The following KRT81 variants were observed in gnomAD, a reference collection of about 807,000 sequenced individuals.
KRT81 encodes the protein keratin 81, also known as keratin, type II cuticular Hb1.
KRT81 carries 35 observed loss-of-function variants against 35.8 expected under a neutral mutation model. The ratio of observed to expected loss-of-function variants is 0.98; its 90% CI spans 0.75 to 1.30. KRT81 has a LOEUF of 1.30. KRT81 is among the 50% of genes most tolerant of loss of function. The probability of loss-of-function intolerance (pLI) is 0.00; values close to 1 mark genes in which losing one functional copy is unlikely to be tolerated. For missense variants in KRT81, 531 were observed against 577.4 expected, an observed-to-expected ratio of 0.92 and a Z score of 0.82; for synonymous variants, 249 against 251.2, an observed-to-expected ratio of 0.99 and a Z score of 0.08.
Position 52,287,689 on chromosome 12 carries a change from G to A in KRT81, c.933C>T (p.His311=), listed in dbSNP as rs143596068. The change falls in exon 6 of 9, where the codon CAC becomes CAT. Residue 311 remains histidine, a synonymous_variant. Transcript: ENST00000327741. ...CCTTGGTGCGGCGCAGGGTCTCCCC[G>A]TGCCTGATCACCGTGGCCTTCATCT... ...CEEMKATVIR[H]GETLRRTKEE... The A allele has an allele frequency of 1.2e-4, 191 of 1,613,916 alleles. No individual in the cohort carries two copies. In the African/African-American group the frequency reaches 1.6e-3, roughly 14 times the overall value.
intron 8 of KRT81, 123 bp from the exon 9 acceptor site, chr12:52,286,616 C>T (rs1937947593): frequency 9.1e-6 from 11 of 1,208,210 alleles, no homozygotes; most frequent in Non-Finnish European, 1.3e-5. Context: ...GTGGACAATT[C>T]TAGGTCCATC....
intron 5 of KRT81, 94 bp downstream of exon 5, chr12:52,287,890 G>C: frequency 6.2e-7 from 1 of 1,608,514 alleles, no homozygotes; most frequent in Non-Finnish European, 8.5e-7. Flanking sequence ...TCATCCCTAG[G>C]GACCAGCATC....
rs1938021399 is a variant in KRT81 at position 52,288,165 on chromosome 12, C to T, written c.736-17G>A. 6.2e-7 allele frequency: 1 copy of T among 1,613,998 alleles called. No individual in the cohort carries two copies. The highest frequency in any genetic ancestry group is 1.1e-5 in the South Asian group (1 of 91,078). The stretch of plus-strand genomic sequence containing the variant: ...GAGGATCTCCTGCAGGAGGTGAGGG[C>T]AGTGACTTTAGTTGAGAATACAGCC... On this transcript the variant is annotated splice_polypyrimidine_tract_variant and intron_variant, in intron 4 of 8. Transcript: ENST00000327741.
intron 4 of KRT81, 27 bp from the exon 5 acceptor site, chr12:52,288,175 A>C (rs1372939992): frequency 6.2e-7 from 1 of 1,612,534 alleles, no homozygotes; most frequent in Non-Finnish European, 8.5e-7. Flanking sequence ...CAGTGACTTT[A>C]GTTGAGAATA....
In KRT81 at chr12:52,286,339, G is replaced by A. The variant is rs757257708; in HGVS notation, c.1434C>T (p.Cys478=). ...AGCCCACGCCGCAGGAACCCCCTCC[G>A]CAGGTGGTGTTCAATTGGCCGCAGG... ...CAPCGQLNTT[C]GGGSCGVGSC... is the part of the protein sequence containing the mutation. Residue 478 remains cysteine, a synonymous_variant, in exon 9 of 9, where the codon TGC becomes TGT. Transcript: ENST00000327741. 7 of 1,555,024 alleles carry A rather than the reference G, an allele frequency of 4.5e-6. No individual in the cohort carries two copies. The highest frequency in any genetic ancestry group is 1.9e-5 in the Admixed American group (1 of 51,364).
chr12:52,286,892 T>C (rs1937960463), intron 7 of KRT81, 70 bp from the exon 8 acceptor site: 1 of 1,580,974 alleles, frequency 6.3e-7, no homozygotes, highest in Admixed American at 1.7e-5. Flanking sequence ...CCCCAGTTCA[T>C]AGGGTAGGGT....
Position 52,286,458 on chromosome 12 carries a change from C to T in KRT81, c.1315G>A (p.Asp439Asn). The change falls in exon 9 of 9, where the codon GAC (aspartate) becomes AAC (asparagine). Residue 439 changes from aspartate to asparagine, a missense_variant. Around this residue, in one of 5 missense-constraint regions of KRT81, gnomAD observed 150 missense variants for 145.4 expected, o/e 1.03. Coordinates refer to ENST00000327741, the MANE Select transcript of KRT81 (RefSeq NM_002281.4). ...SSSRGGVVCG[D>N]LCVSGSRPVT... ...GGCCGGGAGCCTGACACGCAGAGGTCCCCGCACACGACCCCGCCCCGGGAG... is the reference window on the plus strand; with the variant it reads ...GGCCGGGAGCCTGACACGCAGAGGTTCCCGCACACGACCCCGCCCCGGGAG... 6.4e-7 allele frequency: 1 copy of T among 1,552,732 alleles called. No homozygotes were observed. The highest frequency in any genetic ancestry group is 8.7e-7 in the Non-Finnish European group (1 of 1,147,898).
intron 7 of KRT81, 63 bp downstream of exon 7, chr12:52,287,039 C>G: frequency 6.2e-7 from 1 of 1,611,972 alleles, no homozygotes; most frequent in Non-Finnish European, 8.5e-7. Context: ...CAGCCAAGGC[C>G]AAGGGTAGGC....
At chr12:52,286,915 A>G in intron 7 of KRT81, 93 bp from the exon 8 acceptor site, 1 of 1,543,982 alleles carries the variant, frequency 6.5e-7, no homozygotes, top group Non-Finnish European at 8.9e-7. Flanking sequence ...ACAACTGGTC[A>G]ATTAAGAACA....
chr12:52,287,316 T>A lies in KRT81; in HGVS notation c.1033A>T (p.Lys345Ter). 6.2e-7 allele frequency: 1 copy of A among 1,614,094 alleles called. No homozygotes were observed. The highest frequency in any genetic ancestry group is 2.2e-5 in the East Asian group (1 of 44,878). The change falls in exon 7 of 9, where the codon AAG becomes TAG. Residue 345 changes from lysine to a stop codon, truncating the protein, a stop_gained. Transcript: ENST00000327741. LOFTEE classifies it high-confidence loss of function. ...EVENAKCQNS[K>*]LEAAVAQSEQ... Reference sequence around the variant, plus strand: ...GACTGGGCCACCGCGGCCTCCAGCTTGGAGTTCTGAAGAGAACAGAAAGAA... The same window carrying A: ...GACTGGGCCACCGCGGCCTCCAGCTAGGAGTTCTGAAGAGAACAGAAAGAA...
intron 7 of KRT81, 33 bp from the exon 8 acceptor site, chr12:52,286,855 G>A (rs777990155): frequency 1.2e-6 from 2 of 1,612,346 alleles, no homozygotes; most frequent in East Asian, 2.2e-5. Context: ...CAACATTAGT[G>A]ACTGCCCCAG....
At position 52,287,968 on chromosome 12, in the gene KRT81, G is replaced by A. The variant is rs571446795; in HGVS notation, c.900+16C>T. On this transcript the variant is annotated intron_variant, in intron 5 of 8. Coordinates refer to ENST00000327741, the MANE Select transcript of KRT81 (RefSeq NM_002281.4). ...CCACTGACACGTCTAGCAGGCAGGT[G>A]TCCTGTGCCACTCACCTTGCTGCGG... 3.1e-6 allele frequency: 5 copies of A among 1,614,190 alleles called. No individual in the cohort carries two copies. The highest frequency in any genetic ancestry group is 2.2e-5 in the East Asian group (1 of 44,884).
Position 52,286,456 on chromosome 12 carries a change from G to T in KRT81, c.1317C>A (p.Asp439Glu). The change falls in exon 9 of 9, where the codon GAC becomes GAA. Residue 439 changes from aspartate to glutamate, a missense_variant. Transcript: ENST00000327741. ...CTGGCCGGGAGCCTGACACGCAGAGGTCCCCGCACACGACCCCGCCCCGGG... is the reference window on the plus strand; with the variant it reads ...CTGGCCGGGAGCCTGACACGCAGAGTTCCCCGCACACGACCCCGCCCCGGG... ...SSSRGGVVCG[D>E]LCVSGSRPVT... is the part of the protein sequence containing the mutation. 8 of 1,552,762 alleles carry T rather than the reference G, an allele frequency of 5.2e-6. No homozygotes were observed. Among genetic ancestry groups the T allele is most frequent in the Non-Finnish European group, 7.0e-6 (8 of 1,147,932 alleles).
intron 4 of KRT81, 29 bp from the exon 5 acceptor site, chr12:52,288,177 T>A (rs758450794): frequency 2.5e-6 from 4 of 1,612,344 alleles, no homozygotes; most frequent in Admixed American, 1.7e-5. Context: ...GTGACTTTAG[T>A]TGAGAATACA....
At position 52,285,992 on chromosome 12, in the gene KRT81, A is replaced by C; in HGVS notation, c.*263T>G. ...GGCAGGAAGGCAGTTGCCGTGGGCAAGGTTCTGGTCCTGGCCCTTCCTGCT... is the reference window on the plus strand; with the variant it reads ...GGCAGGAAGGCAGTTGCCGTGGGCACGGTTCTGGTCCTGGCCCTTCCTGCT... On this transcript the variant is annotated 3_prime_UTR_variant, in exon 9 of 9. Coordinates refer to ENST00000327741, the MANE Select transcript of KRT81 (RefSeq NM_002281.4). The C allele has an allele frequency of 1.9e-6, 1 of 530,238 alleles. No homozygotes were observed. Among genetic ancestry groups the C allele is most frequent in the Non-Finnish European group, 3.4e-6 (1 of 293,898 alleles). 32.8% of individuals were successfully genotyped at this position (530,238 alleles called of 1,614,324 possible). A position where few individuals can be genotyped will look rare whatever the true frequency, so the allele number is the denominator to read the frequency against.
chr12:52,287,333 C>T lies in KRT81; in HGVS notation c.1027-11G>A, dbSNP rs1333095492. ...CTCCAGCTTGGAGTTCTGAAGAGAA[C>T]AGAAAGAACAAGGTAGATTAGAGTC... On this transcript the variant is annotated splice_polypyrimidine_tract_variant and intron_variant, in intron 6 of 8. Coordinates refer to ENST00000327741, the MANE Select transcript of KRT81 (RefSeq NM_002281.4). The T allele has an allele frequency of 2.5e-6, 4 of 1,613,964 alleles. No individual in the cohort carries two copies. The East Asian group carries it at 6.7e-5, about 27-fold the overall frequency.
Position 52,287,128 on chromosome 12 carries a change from C to A in KRT81, c.1221G>T (p.Arg407Ser). ...LGLDIEIATY[R>S]RLLEGEEQRL... ...TCTGCTCCTCGCCCTCCAGCAGGCG[C>A]CTGTAGGTGGCGATCTCGATGTCCA... The change falls in exon 7 of 9, where the codon AGG becomes AGT. Residue 407 changes from arginine (R) to serine (S), a missense_variant. This residue lies in a region of KRT81 where 150 missense variants were observed against 145.4 expected (regional missense o/e 1.03). Coordinates refer to ENST00000327741, the MANE Select transcript of KRT81 (RefSeq NM_002281.4). The A allele has an allele frequency of 6.2e-7, 1 of 1,613,266 alleles. No individual in the cohort carries two copies. Among genetic ancestry groups the A allele is most frequent in the Non-Finnish European group, 8.5e-7 (1 of 1,179,966 alleles).
rs74095619 is a variant in KRT81, at chr12:52,287,005, T to C, written c.1247+97A>G. 2,824 of 1,602,726 alleles carry C rather than the reference T, an allele frequency of 1.8e-3. 49 individuals carry two copies. In the African/African-American group the frequency reaches 0.032, roughly 18 times the overall value. ...CCGGAAGTGAATAATAATATTTTTT[T>C]CCCCCAGAGCCCTGGCCATTGCTCA... On this transcript the variant is annotated intron_variant, in intron 7 of 8. Coordinates refer to ENST00000327741, the MANE Select transcript of KRT81 (RefSeq NM_002281.4).
chr12:52,286,278 C>A lies in KRT81; in HGVS notation c.1495G>T (p.Gly499Cys). 6.4e-7 allele frequency: 1 copy of A among 1,553,956 alleles called. No individual in the cohort carries two copies. The highest frequency in any genetic ancestry group is 2.4e-5 in the East Asian group (1 of 41,370). Residue 499 changes from glycine (G) to cysteine (C), a missense_variant, in exon 9 of 9, where the codon GGC becomes TGC. By Grantham distance (159) the Gly-to-Cys change is radical. Around this residue, in one of 5 missense-constraint regions of KRT81, gnomAD observed 150 missense variants for 145.4 expected, o/e 1.03. Coordinates refer to ENST00000327741, the MANE Select transcript of KRT81 (RefSeq NM_002281.4). ...GISSLGVGSC[G>C]SSCRKC ...GCCTAACATTTCCGGCAGCTGCTGCCGCAAGACCCCACACCCAGGGAGCTG... is the reference window on the plus strand; with the variant it reads ...GCCTAACATTTCCGGCAGCTGCTGCAGCAAGACCCCACACCCAGGGAGCTG...
Sources: gnomAD v4.1 joint callset for allele counts on GRCh38, gnomAD v4.1.1 for gene constraint, gnomAD v4.1.1 regional missense constraint, MANE v1.5 for transcripts, NCBI Gene and HGNC (gene_info 2026-07-23, HGNC 2026-07-21) for gene names.